DPH6: variants seen among roughly 807,000 people sequenced by gnomAD.
DPH6 encodes diphthamine biosynthesis 6.
Under a neutral mutation model 38.2 loss-of-function variants are expected in DPH6, and 33 were observed. That is an observed-to-expected ratio of 0.86 (90% CI 0.65 to 1.15). The LOEUF (loss-of-function observed/expected upper bound fraction) is 1.15. Ranked by LOEUF, DPH6 falls within the 50% of genes most tolerant of loss-of-function variation. The pLI, the probability that DPH6 is intolerant of heterozygous loss-of-function variation, is 0.00. For missense variants in DPH6, 325 were observed against 320.0 expected (o/e 1.02, Z -0.12); for synonymous variants, 108 against 103.0 (o/e 1.05, Z -0.30).
chr15:35,453,448 A>G (rs1210827421), intron 4 of DPH6, among the ~76,000 whole-genome samples: 3 of 152,194 alleles, frequency 2.0e-5, no homozygotes, highest in African/African-American at 7.2e-5. Flanking sequence ...TTTAAACTAA[A>G]TAATTCTCAG....
intron 3 of DPH6, among the ~76,000 whole-genome samples, chr15:35,325,059 G>A (rs1207932345): frequency 2.0e-5 from 3 of 152,088 alleles, no homozygotes; most frequent in African/African-American, 7.2e-5. Flanking sequence ...GTTACATTTG[G>A]TGCCCTTGAT....
chr15:35,351,217 C>G (rs192607454), intron 3 of DPH6, among the ~76,000 whole-genome samples: 13 of 152,192 alleles, frequency 8.5e-5, no homozygotes, highest in Admixed American at 8.5e-4. Context: ...GGTATATCAA[C>G]CCCTGCTGTC....
chr15:35,324,992 A>T lies in DPH6; in HGVS notation n.200+48529T>A, dbSNP rs2052270141. ...TTGAGCTGGAAGATTGAGCTGAAGA[A>T]TTTTTACATAGCCCAGTGCAAAAAA... On this transcript the variant is annotated intron_variant and non_coding_transcript_variant, in intron 3 of 3. Transcript: ENST00000560386. Among the ~76,000 whole-genome samples, 3 of 152,250 alleles carry T rather than the reference A, an allele frequency of 2.0e-5. No individual in the cohort carries two copies. In the South Asian group the frequency reaches 6.2e-4, roughly 32 times the overall value.
chr15:35,464,288 G>C (rs2054101069), intron 3 of DPH6, among the ~76,000 whole-genome samples: 1 of 138,498 alleles, frequency 7.2e-6, no homozygotes, highest in Non-Finnish European at 1.5e-5. Flanking sequence ...GCAAGACTTT[G>C]TCTCAAAAAA....
chr15:35,366,231 T>C (rs368212009), downstream of DPH6, among the ~76,000 whole-genome samples: 3 of 40,466 alleles, frequency 7.4e-5, no homozygotes, highest in African/African-American at 1.3e-4. Context: ...AGTCATCTTG[T>C]GTGTGTGTGT....
chr15:35,339,782 C>T (rs2052406121), intron 3 of DPH6, among the ~76,000 whole-genome samples: 1 of 152,062 alleles, frequency 6.6e-6, no homozygotes, highest in Non-Finnish European at 1.5e-5. Context: ...TTTGAATTTG[C>T]TGAGGGGTGT....
intron 3 of DPH6, among the ~76,000 whole-genome samples, chr15:35,457,816 C>T (rs7167641): frequency 0.13 from 19,990 of 152,054 alleles, 1,556 homozygotes; most frequent in African/African-American, 0.21. Context: ...CAAATATTTT[C>T]TTCTTTCATT....
Position 35,285,246 on chromosome 15 carries a change from T to G in DPH6, n.201-64664A>C, listed in dbSNP as rs185329503. On this transcript the variant is annotated intron_variant and non_coding_transcript_variant, in intron 3 of 3. Coordinates refer to the DPH6 transcript ENST00000560386. ...CAGTACCAATAACTTTTCAAAGAAC[T>G]TACAGTAGTCATTTGATATGGTTTG... Among the ~76,000 whole-genome samples, 839 of 152,294 alleles carry G rather than the reference T, an allele frequency of 5.5e-3. 8 individuals carry two copies. Among genetic ancestry groups the G allele is most frequent in the Non-Finnish European group, 8.7e-3 (589 of 68,022 alleles).
intron 3 of DPH6, chr15:35,520,157 G>T: frequency 3.4e-6 from 1 of 297,834 alleles, no homozygotes; most frequent in Non-Finnish European, 4.8e-6. Flanking sequence ...AATTCCATTT[G>T]TCCCTTCTTG....
chr15:35,401,182 A>G, intron 6 of DPH6: 1 of 1,176,744 alleles, frequency 8.5e-7, no homozygotes, highest in South Asian at 1.2e-5. Context: ...CTGTGAAGTT[A>G]GGAAAGCCCT....
intron 3 of DPH6, among the ~76,000 whole-genome samples, chr15:35,475,901 T>C (rs1395011296): frequency 1.3e-5 from 2 of 151,818 alleles, no homozygotes; most frequent in Admixed American, 6.6e-5. Flanking sequence ...GAAGCTTATA[T>C]ATAGCTGGAG....
Position 35,371,460 on chromosome 15 carries a change from G to C in DPH6, c.*690C>G. On this transcript the variant is annotated 3_prime_UTR_variant, in exon 9 of 9. Coordinates refer to ENST00000256538, the MANE Select transcript of DPH6 (RefSeq NM_080650.4). Reference sequence around the variant, plus strand: ...AGGCTGTGAATGTGTGGAGGTAGAGGGTATATGGGAAATCTCTGCATTTTC... The same window carrying C: ...AGGCTGTGAATGTGTGGAGGTAGAGCGTATATGGGAAATCTCTGCATTTTC... 2.1e-6 allele frequency: 1 copy of C among 475,316 alleles called. No homozygotes were observed. 29.4% of individuals were successfully genotyped at this position (475,316 alleles called of 1,614,324 possible).
intron 3 of DPH6, among the ~76,000 whole-genome samples, chr15:35,511,256 C>T (rs2054765954): frequency 6.6e-6 from 1 of 152,078 alleles, no homozygotes; most frequent in Non-Finnish European, 1.5e-5. Flanking sequence ...ACAGAACAAC[C>T]AGTGCTCATA....
downstream of DPH6, among the ~76,000 whole-genome samples, chr15:35,367,864 G>GA (rs879723510): frequency 1.5e-4 from 22 of 147,216 alleles, no homozygotes; most frequent in African/African-American, 2.0e-4. Context: ...AAGATAAATG[G>GA]AAAAAAAAAT....
chr15:35,490,081 G>GC, intron 3 of DPH6: 1 of 985,316 alleles, frequency 1.0e-6, no homozygotes, highest in Non-Finnish European at 1.2e-6. Flanking sequence ...TTCTTACTTG[G>GC]CCTAAATCTC....
At chr15:35,174,773 G>C in the DPH6 span, among the ~76,000 whole-genome samples, 1 of 152,184 alleles carries the variant, frequency 6.6e-6, no homozygotes, top group Non-Finnish European at 1.5e-5. Context: ...ACATCAGATG[G>C]ACTTGAAAAT....
chr15:35,317,893 T>C (rs1226446806), intron 3 of DPH6, among the ~76,000 whole-genome samples: 1 of 151,894 alleles, frequency 6.6e-6, no homozygotes, highest in East Asian at 1.9e-4. Context: ...TTCCTTAGCA[T>C]ATGCAGTAAA....
chr15:35,159,748 G>GC, the DPH6 span, among the ~76,000 whole-genome samples: 560 of 152,068 alleles, frequency 3.7e-3, 4 homozygotes, highest in Middle Eastern at 0.024. Flanking sequence ...AAAGTCACAT[G>GC]CATCTGTATG....
chr15:35,157,254 T>C, the DPH6 span, among the ~76,000 whole-genome samples: 15 of 152,176 alleles, frequency 9.9e-5, no homozygotes, highest in African/African-American at 3.6e-4. Context: ...ATCAAGTTGT[T>C]TCCCAAAAAT....
Sources: gnomAD v4.1 joint callset for allele counts (sites outside exome capture counted in the v4.1 genomes callset) on GRCh38, gnomAD v4.1.1 for gene constraint, MANE v1.5 for transcripts, NCBI Gene and HGNC (gene_info 2026-07-23, HGNC 2026-07-21) for gene names.